The following GALM variants were observed in gnomAD, a reference collection of about 807,000 sequenced individuals.
GALM encodes galactose mutarotase, also known as aldose 1-epimerase.
Under a neutral mutation model 37.4 loss-of-function variants are expected in GALM, and 43 were observed. That is an observed-to-expected ratio of 1.15 (90% CI 0.90 to 1.48). The LOEUF (loss-of-function observed/expected upper bound fraction) is 1.48. Among genes scored for constraint, GALM ranks in the 40% most tolerant of loss-of-function variants. The pLI is 0.00. For missense variants in GALM, 456 were observed against 419.1 expected (o/e 1.09, Z -0.77); for synonymous variants, 199 against 170.6 (o/e 1.17, Z -1.30).
intron 1 of GALM, among the ~76,000 whole-genome samples, chr2:38,674,483 T>A (rs1665190197): frequency 6.6e-6 from 1 of 152,134 alleles, no homozygotes. Context: ...CCACCGCGCC[T>A]GGACACAACT....
At chr2:38,721,946 A>T (rs78858479) in intron 4 of GALM, among the ~76,000 whole-genome samples, 2 of 151,648 alleles carry the variant, frequency 1.3e-5, no homozygotes, top group Non-Finnish European at 2.9e-5. Context: ...TTCAGCTCCA[A>T]TAATTCTTCA....
chr2:38,720,594 T>G (rs1223037423), intron 4 of GALM, among the ~76,000 whole-genome samples: 1 of 152,146 alleles, frequency 6.6e-6, no homozygotes, highest in Non-Finnish European at 1.5e-5. Context: ...AGCACTTCGT[T>G]TATTATCTCT....
chr2:38,728,407 T>C (rs1382793203), intron 4 of GALM, among the ~76,000 whole-genome samples: 1 of 148,458 alleles, frequency 6.7e-6, no homozygotes, highest in African/African-American at 2.5e-5. Flanking sequence ...AAAAAAAACT[T>C]TTTTTTTGGC....
At chr2:38,680,728 A>G (rs1665374181) in intron 2 of GALM, among the ~76,000 whole-genome samples, 1 of 152,184 alleles carries the variant, frequency 6.6e-6, no homozygotes, top group Admixed American at 6.6e-5. Context: ...AAAAAATCAA[A>G]GAAAAATCAT....
rs1303286290 is a variant in GALM, at chr2:38,734,519, A to G, written c.*954A>G. The G allele has an allele frequency of 6.6e-6, 1 of 152,172 alleles. No individual in the cohort carries two copies. The highest frequency in any genetic ancestry group is 2.4e-5 in the African/African-American group (1 of 41,360). 9.4% of individuals were successfully genotyped at this position (152,172 alleles called of 1,614,324 possible). A position where few individuals can be genotyped will look rare whatever the true frequency, so the allele number is the denominator to read the frequency against. Reference sequence around the variant, plus strand: ...CAGCCCGGCCAACGCTTGGGAAGAAAGACAGGCAAGCACTGGAAACAGGAG... The same window carrying G: ...CAGCCCGGCCAACGCTTGGGAAGAAGGACAGGCAAGCACTGGAAACAGGAG... On this transcript the variant is annotated 3_prime_UTR_variant, in exon 7 of 7. Coordinates refer to ENST00000272252, the MANE Select transcript of GALM (RefSeq NM_138801.3).
At chr2:38,691,339 G>T (rs113055957) in intron 4 of GALM, among the ~76,000 whole-genome samples, 11 of 152,284 alleles carry the variant, frequency 7.2e-5, no homozygotes, top group Middle Eastern at 3.4e-3. Flanking sequence ...AAAAATCATT[G>T]TGGCAAAGCA....
At chr2:38,718,698 T>C (rs1014997353) in intron 4 of GALM, among the ~76,000 whole-genome samples, 7 of 151,786 alleles carry the variant, frequency 4.6e-5, no homozygotes, top group Admixed American at 1.3e-4. Flanking sequence ...TCCTGCACTG[T>C]CTACTGGGTT....
chr2:38,692,771 T>A (rs930271390), intron 4 of GALM, among the ~76,000 whole-genome samples: 2 of 152,078 alleles, frequency 1.3e-5, no homozygotes, highest in African/African-American at 4.8e-5. Context: ...CTGAGGGGGC[T>A]TCCAGATAGA....
intron 4 of GALM, among the ~76,000 whole-genome samples, chr2:38,726,637 C>A (rs1666492208): frequency 6.6e-6 from 1 of 152,008 alleles, no homozygotes; most frequent in Non-Finnish European, 1.5e-5. Context: ...CGGCCGGGCT[C>A]AGTGGCTCCT....
chr2:38,726,912 G>A (rs1483711732), intron 4 of GALM, among the ~76,000 whole-genome samples: 1 of 148,710 alleles, frequency 6.7e-6, no homozygotes, highest in Non-Finnish European at 1.5e-5. Flanking sequence ...AAAATTGGTT[G>A]CATGTGCAAA....
intron 1 of GALM, 73 bp downstream of exon 1, chr2:38,666,424 C>A: frequency 8.4e-7 from 1 of 1,187,382 alleles, no homozygotes; most frequent in Non-Finnish European, 1.2e-6. Flanking sequence ...TCTAGCGGGC[C>A]ACTTGCAATG....
At chr2:38,708,819 CAGTTT>C (rs1666095665) in intron 4 of GALM, among the ~76,000 whole-genome samples, 1 of 150,718 alleles carries the variant, frequency 6.6e-6, no homozygotes, top group Admixed American at 6.6e-5. Context: ...GGTCAAATAA[CAGTTT>C]TTTTTGTTTG....
chr2:38,711,776 TCACTGTCACCACCATCAC>T (rs1269839165), intron 4 of GALM, among the ~76,000 whole-genome samples: 1 of 139,736 alleles, frequency 7.2e-6, no homozygotes, highest in African/African-American at 2.6e-5. Context: ...ATTATCACCA[TCACTGTCACCACCATCAC>T]CATCACCATC....
chr2:38,727,354 C>A (rs1666507195), intron 4 of GALM, among the ~76,000 whole-genome samples: 1 of 152,088 alleles, frequency 6.6e-6, no homozygotes, highest in South Asian at 2.1e-4. Context: ...ACCTAGGCAT[C>A]CTGAGGCTGT....
chr2:38,683,024 T>C (rs1170880657), intron 3 of GALM, among the ~76,000 whole-genome samples: 1 of 152,094 alleles, frequency 6.6e-6, no homozygotes, highest in Non-Finnish European at 1.5e-5. Context: ...GAAAGTATTG[T>C]TTTATGTAGG....
intron 4 of GALM, among the ~76,000 whole-genome samples, 198 bp downstream of exon 4, chr2:38,690,092 C>T (rs1665636496): frequency 1.3e-5 from 2 of 152,262 alleles, no homozygotes; most frequent in South Asian, 4.1e-4. Context: ...AAAGCTGGGA[C>T]AGAGATGCAG....
intron 1 of GALM, chr2:38,669,615 T>C (rs1656710911): frequency 6.6e-6 from 1 of 152,190 alleles, no homozygotes; most frequent in South Asian, 2.1e-4. Flanking sequence ...CCGGGCACGG[T>C]GGCTCACGCC....
chr2:38,716,648 G>C (rs1286262438), intron 4 of GALM, among the ~76,000 whole-genome samples: 1 of 152,118 alleles, frequency 6.6e-6, no homozygotes, highest in Non-Finnish European at 1.5e-5. Context: ...AAAAACCATT[G>C]TTCTCAATTT....
chr2:38,720,599 A>G (rs1039422795), intron 4 of GALM, among the ~76,000 whole-genome samples: 1 of 152,140 alleles, frequency 6.6e-6, no homozygotes, highest in African/African-American at 2.4e-5. Context: ...TTCGTTTATT[A>G]TCTCTAATTG....
Sources: gnomAD v4.1 joint callset for allele counts (sites outside exome capture counted in the v4.1 genomes callset) on GRCh38, gnomAD v4.1.1 for gene constraint, MANE v1.5 for transcripts, NCBI Gene and HGNC (gene_info 2026-07-23, HGNC 2026-07-21) for gene names.